The following IL13RA1 variants were observed in gnomAD, a reference collection of about 807,000 sequenced individuals.
IL13RA1 encodes interleukin-13 receptor subunit alpha-1.
Under a neutral mutation model 33.8 loss-of-function variants are expected in IL13RA1, and 14 were observed. The ratio of observed to expected loss-of-function variants is 0.41; its 90% confidence interval spans 0.27 to 0.65. The LOEUF (loss-of-function observed/expected upper bound fraction) is 0.65, where lower values mean the gene tolerates loss of function less well. IL13RA1 is among the 30% of genes least tolerant of loss of function. The pLI, the probability that IL13RA1 is intolerant of heterozygous loss-of-function variation, is 0.28. For synonymous variants in IL13RA1, 116 were observed against 115.7 expected (o/e 1.00, Z -0.02); for missense variants, 313 against 327.0 (o/e 0.96, Z 0.33).
chrX:118,757,545 G>T (rs75630493), intron 4 of IL13RA1, among the ~76,000 whole-genome samples: 1 of 84,316 alleles, frequency 1.2e-5, no homozygotes, highest in East Asian at 4.2e-4. Flanking sequence ...AAAAAAAAAA[G>T]CAGAAAACAG....
At chrX:118,731,648 T>G (rs1223345849) in intron 1 of IL13RA1, among the ~76,000 whole-genome samples, 1 of 111,144 alleles carries the variant, frequency 9.0e-6, no homozygotes, top group Admixed American at 9.5e-5. Context: ...AGCTAACACA[T>G]AGCACTTGCT....
At chrX:118,735,444 T>C (rs1376341558) in intron 1 of IL13RA1, among the ~76,000 whole-genome samples, 1 of 112,411 alleles carries the variant, frequency 8.9e-6, no homozygotes, top group Non-Finnish European at 1.9e-5. Context: ...TATGTGTTTA[T>C]AGCTATAAAT....
Position 118,758,202 on chromosome X carries a change from AATT to A in IL13RA1, c.638_640del (p.Ile213del). 1 of 1,128,999 alleles carries A rather than the reference AATT, an allele frequency of 8.9e-7. No individual in the cohort carries two copies. 93.0% of individuals were successfully genotyped at this position (1,128,999 alleles called of 1,213,427 possible). ...TAATGGTCAAGGATAATGCAGGAAA[AATT>A]AAACCATCCTTCAATATAGTGCCTT... On this transcript the variant is annotated inframe_deletion, in exon 5 of 11. Transcript: ENST00000371666.
At chrX:118,749,850 CAA>C in intron 4 of IL13RA1, 72 bp downstream of exon 4, 14 of 604,586 alleles carry the variant, frequency 2.3e-5, no homozygotes, top group South Asian at 8.9e-5. Context: ...CCAACCTAGT[CAA>C]AAAAAAAAGA....
At chrX:118,799,514 G>C (rs752883844), downstream of IL13RA1, among the ~76,000 whole-genome samples, 3 of 111,756 alleles carry the variant, frequency 2.7e-5, no homozygotes, top group East Asian at 8.5e-4. Context: ...GTTTGTGAGT[G>C]CACCAATCGA....
Position 118,741,301 on chromosome X carries a change from G to A in IL13RA1, c.228+145G>A, listed in dbSNP as rs113904041. On this transcript the variant is annotated intron_variant, in intron 2 of 10. Coordinates refer to ENST00000371666, the MANE Select transcript of IL13RA1 (RefSeq NM_001560.3). The stretch of plus-strand genomic sequence containing the variant: ...AATTTCAGTTGGGGAAATTATAGAA[G>A]CAACTATTGACACAAGTGAACACTT... 9.7e-3 allele frequency: 4,270 copies of A among 440,061 alleles called. 96 individuals are homozygous for A. The highest frequency in any genetic ancestry group is 0.064 in the African/African-American group (2,588 of 40,340). 36.3% of individuals were successfully genotyped at this position (440,061 alleles called of 1,213,427 possible).
chrX:118,799,455 A>G (rs371048882), downstream of IL13RA1, among the ~76,000 whole-genome samples: 496 of 113,068 alleles, frequency 4.4e-3, 1 homozygote, highest in African/African-American at 0.015. Flanking sequence ...CTTTGTATGT[A>G]GCTCAGGGAT....
chrX:118,798,788 G>A (rs918730452), downstream of IL13RA1, among the ~76,000 whole-genome samples: 7 of 112,739 alleles, frequency 6.2e-5, no homozygotes, highest in South Asian at 3.6e-4. Context: ...AGGGGACAGC[G>A]TGCTGGCAGT....
At chrX:118,770,497 A>G (rs750013786) in intron 8 of IL13RA1, 1 of 502,995 alleles carries the variant, frequency 2.0e-6, no homozygotes, top group South Asian at 2.3e-5. Flanking sequence ...GCTCAGCCCC[A>G]TCCCCAACAA....
chrX:118,730,944 A>T (rs905149421), intron 1 of IL13RA1, among the ~76,000 whole-genome samples: 1 of 112,323 alleles, frequency 8.9e-6, no homozygotes, highest in Non-Finnish European at 1.9e-5. Flanking sequence ...GACTCTTGTG[A>T]TTTCCTTAAC....
chrX:118,768,471 A>G (rs1965116967), intron 8 of IL13RA1, among the ~76,000 whole-genome samples: 1 of 111,981 alleles, frequency 8.9e-6, no homozygotes, highest in Non-Finnish European at 1.9e-5. Context: ...GGAAAGCCTC[A>G]GTACCTCACT....
downstream of IL13RA1, among the ~76,000 whole-genome samples, chrX:118,797,571 A>G (rs1429745661): frequency 1.8e-5 from 2 of 112,340 alleles, no homozygotes; most frequent in East Asian, 5.5e-4. Context: ...AAAGATGTCA[A>G]CACCCTAATT....
chrX:118,780,599 G>T (rs2017832635), intron 10 of IL13RA1, among the ~76,000 whole-genome samples: 1 of 112,560 alleles, frequency 8.9e-6, no homozygotes, highest in Admixed American at 9.4e-5. Context: ...AGTGAAGGGG[G>T]AGCAGGCATC....
intron 3 of IL13RA1, among the ~76,000 whole-genome samples, chrX:118,748,005 T>TTTGTGTG (rs369385798): frequency 3.4e-5 from 3 of 88,877 alleles, no homozygotes; most frequent in Non-Finnish European, 4.4e-5. Flanking sequence ...AGAGTGAATG[T>TTTGTGTG]TGTGTGTGTG....
intron 1 of IL13RA1, among the ~76,000 whole-genome samples, chrX:118,740,244 G>A (rs377166934): frequency 2.7e-5 from 3 of 112,159 alleles, no homozygotes; most frequent in East Asian, 5.6e-4. Flanking sequence ...GGTGTGAGCC[G>A]CCGTGCCCAG....
At chrX:118,754,751 A>G (rs1451088505) in intron 4 of IL13RA1, among the ~76,000 whole-genome samples, 2 of 110,034 alleles carry the variant, frequency 1.8e-5, no homozygotes, top group African/African-American at 6.6e-5. Flanking sequence ...TACCTAACCC[A>G]TATCTCCTTC....
chrX:118,775,261 G>A (rs1468261336), intron 9 of IL13RA1, among the ~76,000 whole-genome samples: 2 of 111,401 alleles, frequency 1.8e-5, no homozygotes, highest in Admixed American at 9.6e-5. Flanking sequence ...AAATGCACTT[G>A]GTTTGTTTGG....
chrX:118,750,373 C>T (rs2017458291), intron 4 of IL13RA1, among the ~76,000 whole-genome samples: 1 of 110,078 alleles, frequency 9.1e-6, no homozygotes, highest in Non-Finnish European at 1.9e-5. Context: ...TAGTATATAA[C>T]CACTTAAGAC....
chrX:118,749,659 T>C lies in IL13RA1; in HGVS notation c.369T>C (p.Gly123=). The stretch of plus-strand genomic sequence containing the variant: ...AAACTCTTGGCCTGGATATTCTAGG[T>C]GATCCTGAGTCTGCTGTGACTGAGC... The part of the protein sequence containing the change: ...LVEKCISPPE[G]DPESAVTELQ... Residue 123 remains glycine (G), a splice_region_variant and synonymous_variant, in exon 4 of 11, where the codon GGT becomes GGC. Transcript: ENST00000371666. 8.3e-7 allele frequency: 1 copy of C among 1,208,038 alleles called. No individual in the cohort carries two copies. Among genetic ancestry groups the C allele is most frequent in the Admixed American group, 2.2e-5 (1 of 46,030 alleles).
Sources: gnomAD v4.1 joint callset for allele counts (sites outside exome capture counted in the v4.1 genomes callset) on GRCh38, gnomAD v4.1.1 for gene constraint, MANE v1.5 for transcripts, NCBI Gene and HGNC (gene_info 2026-07-23, HGNC 2026-07-21) for gene names.